The following C1orf87 variants were observed in gnomAD, a reference collection of about 807,000 sequenced individuals.
The protein encoded by C1orf87 is chromosome 1 open reading frame 87.
A neutral mutation model predicts 60.5 loss-of-function variants in C1orf87; 58 were observed. That is an observed-to-expected ratio of 0.96 (90% CI 0.78 to 1.19). The LOEUF (loss-of-function observed/expected upper bound fraction) is 1.19, where lower values mean the gene tolerates loss of function less well. Among genes scored for constraint, C1orf87 ranks in the 50% most tolerant of loss-of-function variants. The probability of loss-of-function intolerance (pLI) is 0.00; values close to 1 mark genes in which losing one functional copy is unlikely to be tolerated. For missense variants in C1orf87, 673 were observed against 638.6 expected, an observed-to-expected ratio of 1.05 and a Z score of -0.58; for synonymous variants, 236 against 227.4, an observed-to-expected ratio of 1.04 and a Z score of -0.34.
chr1:60,046,288 TTC>T (rs573356645), intron 3 of C1orf87, among the ~76,000 whole-genome samples: 16 of 136,502 alleles, frequency 1.2e-4, no homozygotes, highest in Admixed American at 2.9e-4. Context: ...CCTTCTTTCT[TTC>T]TCTCTCTCTC....
chr1:60,049,506 C>T (rs1252757551), intron 3 of C1orf87, among the ~76,000 whole-genome samples: 1 of 152,038 alleles, frequency 6.6e-6, no homozygotes, highest in Non-Finnish European at 1.5e-5. Context: ...ATATATTTGT[C>T]AGTGATGCAA....
At chr1:60,041,354 A>G (rs1273025135) in intron 3 of C1orf87, among the ~76,000 whole-genome samples, 2 of 152,212 alleles carry the variant, frequency 1.3e-5, no homozygotes, top group African/African-American at 4.8e-5. Flanking sequence ...TTAGATAAAT[A>G]TATTCACACT....
intron 11 of C1orf87, among the ~76,000 whole-genome samples, chr1:59,995,838 G>A (rs1166759829): frequency 6.6e-6 from 1 of 152,028 alleles, no homozygotes; most frequent in Non-Finnish European, 1.5e-5. Context: ...AACTTCATTT[G>A]TAATACTTAA....
chr1:60,015,833 A>T (rs949181090), intron 8 of C1orf87, among the ~76,000 whole-genome samples: 1 of 151,616 alleles, frequency 6.6e-6, no homozygotes, highest in Non-Finnish European at 1.5e-5. Flanking sequence ...CTCACTACAA[A>T]CTCTACCTCC....
intron 11 of C1orf87, 82 bp from the exon 12 acceptor site, chr1:59,990,915 C>A: frequency 7.2e-7 from 1 of 1,385,930 alleles, no homozygotes; most frequent in Non-Finnish European, 9.9e-7. Flanking sequence ...GCTTGAATGA[C>A]TTCCAGGTAA....
At chr1:60,015,197 G>A (rs1386709343) in intron 8 of C1orf87, among the ~76,000 whole-genome samples, 4 of 152,146 alleles carry the variant, frequency 2.6e-5, no homozygotes, top group Non-Finnish European at 1.5e-5. Flanking sequence ...GGCCGTGGGG[G>A]CAGAGCCCTC....
chr1:59,994,293 C>A (rs1381222544), intron 11 of C1orf87, among the ~76,000 whole-genome samples: 1 of 151,312 alleles, frequency 6.6e-6, no homozygotes, highest in Non-Finnish European at 1.5e-5. Context: ...CAAGCAAAAT[C>A]GTGTGCTCTT....
chr1:60,025,574 A>G, intron 7 of C1orf87, 76 bp from the exon 8 acceptor site: 2 of 1,159,950 alleles, frequency 1.7e-6, no homozygotes, highest in Non-Finnish European at 2.4e-6. Context: ...TACAATTAAT[A>G]TTTGTTTTTT....
At chr1:60,027,412 A>C in intron 7 of C1orf87, among the ~76,000 whole-genome samples, 1 of 151,314 alleles carries the variant, frequency 6.6e-6, no homozygotes, top group Admixed American at 6.6e-5. Flanking sequence ...CATTCCCCTC[A>C]CTCTCTCTGC....
At chr1:60,050,413 T>TAGCAAATAAATA (rs1453264881) in intron 3 of C1orf87, among the ~76,000 whole-genome samples, 2 of 151,820 alleles carry the variant, frequency 1.3e-5, no homozygotes, top group African/African-American at 4.8e-5. Flanking sequence ...TTTGCTATAG[T>TAGCAAATAAATA]AAATGGTGCC....
At chr1:60,065,171 A>T (rs1291340101) in intron 2 of C1orf87, among the ~76,000 whole-genome samples, 1 of 149,678 alleles carries the variant, frequency 6.7e-6, no homozygotes, top group Non-Finnish European at 1.5e-5. Context: ...CCTGGGCTCC[A>T]GGCAGTCAAC....
intron 6 of C1orf87, 63 bp from the exon 7 acceptor site, chr1:60,033,704 T>A: frequency 6.5e-7 from 1 of 1,532,408 alleles, no homozygotes; most frequent in Non-Finnish European, 8.9e-7. Context: ...GCTGCATGCT[T>A]TCCTACTACA....
chr1:60,025,481 C>T lies in C1orf87; in HGVS notation c.1047G>A (p.Gly349=). 6.2e-7 allele frequency: 1 copy of T among 1,611,930 alleles called. No homozygotes were observed. Among genetic ancestry groups the T allele is most frequent in the South Asian group, 1.1e-5 (1 of 90,756 alleles). The change falls in exon 8 of 12, where the codon GGG becomes GGA. Residue 349 remains glycine, a synonymous_variant. Coordinates refer to ENST00000371201, the MANE Select transcript of C1orf87 (RefSeq NM_152377.3). Reference sequence around the variant, plus strand: ...TCAGGGTCAGATATAATCCATGCTTCCCACATATAGCCCTGACCTACAAGT... The same window carrying T: ...TCAGGGTCAGATATAATCCATGCTTTCCACATATAGCCCTGACCTACAAGT... The part of the protein sequence containing the change: ...LPLPKVRAIC[G]KHGLYLTLSL...
intron 8 of C1orf87, among the ~76,000 whole-genome samples, chr1:60,020,049 TGAG>T (rs1645151601): frequency 6.6e-6 from 1 of 152,176 alleles, no homozygotes; most frequent in South Asian, 2.1e-4. Context: ...GCATAAGTGA[TGAG>T]GAGCTATATA....
At chr1:60,065,015 A>AATATATATAAAATATATATTT (rs1557482196) in intron 2 of C1orf87, among the ~76,000 whole-genome samples, 8 of 21,878 alleles carry the variant, frequency 3.7e-4, no homozygotes, top group African/African-American at 9.5e-4. Context: ...AATATATATT[A>AATATATATAAAATATATATTT]AATATATATA....
intron 8 of C1orf87, among the ~76,000 whole-genome samples, chr1:60,011,921 G>A (rs185941747): frequency 1.3e-3 from 200 of 152,174 alleles, no homozygotes; most frequent in Non-Finnish European, 2.1e-3. Flanking sequence ...ATAAGTGATG[G>A]ATATGCAGGA....
At chr1:60,056,062 G>A (rs531529017) in intron 2 of C1orf87, among the ~76,000 whole-genome samples, 22 of 152,088 alleles carry the variant, frequency 1.4e-4, no homozygotes, top group African/African-American at 4.1e-4. Context: ...TGGCCAATAC[G>A]GTGAAACCCC....
intron 5 of C1orf87, 149 bp downstream of exon 5, chr1:60,039,768 A>T: frequency 3.4e-6 from 3 of 873,714 alleles, no homozygotes; most frequent in Non-Finnish European, 5.2e-6. Context: ...AGAAATTTCT[A>T]CACATGAATA....
At chr1:60,026,492 GAA>G (rs1211087218) in intron 7 of C1orf87, among the ~76,000 whole-genome samples, 1 of 151,730 alleles carries the variant, frequency 6.6e-6, no homozygotes, top group East Asian at 1.9e-4. Flanking sequence ...AAAGAAGAGA[GAA>G]GAGGGGAGAG....
Sources: gnomAD v4.1 joint callset for allele counts (sites outside exome capture counted in the v4.1 genomes callset) on GRCh38, gnomAD v4.1.1 for gene constraint, MANE v1.5 for transcripts, NCBI Gene and HGNC (gene_info 2026-07-23, HGNC 2026-07-21) for gene names.